Variants in WDR76 observed in about 807,000 individuals in gnomAD.
WDR76 encodes WD repeat-containing protein 76.
A neutral mutation model predicts 70.2 loss-of-function variants in WDR76; 52 were observed. The ratio of observed to expected loss-of-function variants is 0.74; its 90% CI spans 0.59 to 0.93. The LOEUF (loss-of-function observed/expected upper bound fraction) is 0.93, where lower values mean the gene tolerates loss of function less well. Among genes scored for constraint, WDR76 ranks in the 40% least tolerant of loss-of-function variants. WDR76 has a pLI of 0.00. For synonymous variants in WDR76, 292 were observed against 271.1 expected, an observed-to-expected ratio of 1.08 and a Z score of -0.76; for missense variants, 756 against 760.2, an observed-to-expected ratio of 0.99 and a Z score of 0.07.
intron 5 of WDR76, 39 bp from the exon 6 acceptor site, chr15:43,842,376 C>CA: frequency 6.3e-7 from 1 of 1,583,752 alleles, no homozygotes; most frequent in East Asian, 2.2e-5. Context: ...TATTCTAGGG[C>CA]AGGGAGCCCA....
intron 10 of WDR76, chr15:43,858,434 A>G (rs2087957350): frequency 1.6e-5 from 7 of 425,374 alleles, no homozygotes; most frequent in South Asian, 3.0e-5. Context: ...TTTTTAGTAG[A>G]GACGGGGTTT....
At chr15:43,853,190 T>A (rs1413330851) in intron 9 of WDR76, among the ~76,000 whole-genome samples, 1 of 151,444 alleles carries the variant, frequency 6.6e-6, no homozygotes, top group African/African-American at 2.4e-5. Context: ...CGCCTGGCCT[T>A]ACTTATTTTT....
chr15:43,836,221 A>G lies in WDR76; in HGVS notation c.608+5A>G. 1 of 1,608,706 alleles carries G rather than the reference A, an allele frequency of 6.2e-7. No individual in the cohort carries two copies. The highest frequency in any genetic ancestry group is 8.5e-7 in the Non-Finnish European group (1 of 1,177,740). On this transcript the variant is annotated splice_donor_5th_base_variant and intron_variant, in intron 4 of 12. Coordinates refer to ENST00000263795, the MANE Select transcript of WDR76 (RefSeq NM_024908.4). ...ACAGCCTCCTAAATCCAAAAGGTAA[A>G]ATATCTAGTTTGCAATGCCTGAACC... is the stretch of plus-strand genomic sequence containing the variant.
At position 43,828,253 on chromosome 15, in the gene WDR76, C is replaced by G. The variant is rs766486152; in HGVS notation, c.349C>G (p.His117Asp). ...STLQNSSSAV[H>D]TESNKLQPKR... ...GCTGCAAAATTCATCCTCAGCTGTT[C>G]ATACTGAAAGTAACAAGCTACAACC... is the stretch of plus-strand genomic sequence containing the variant. Residue 117 changes from histidine (H) to aspartate (D), a missense_variant, in exon 2 of 13, where the codon CAT becomes GAT. Coordinates refer to ENST00000263795, the MANE Select transcript of WDR76 (RefSeq NM_024908.4). 1.2e-6 allele frequency: 2 copies of G among 1,614,178 alleles called. No homozygotes were observed. Among genetic ancestry groups the G allele is most frequent in the South Asian group, 1.1e-5 (1 of 91,088 alleles).
chr15:43,851,363 C>G (rs912825533), intron 9 of WDR76, 118 bp downstream of exon 9: 2 of 1,348,932 alleles, frequency 1.5e-6, no homozygotes, highest in African/African-American at 2.9e-5. Flanking sequence ...ACTTTGAGAA[C>G]TACGCTGCCT....
intron 1 of WDR76, 106 bp downstream of exon 1, chr15:43,827,198 G>C (rs1009938499): frequency 5.6e-5 from 82 of 1,460,638 alleles, no homozygotes; most frequent in Admixed American, 2.2e-4. Flanking sequence ...ACCGGGGGTA[G>C]GCGGGGGATC....
intron 2 of WDR76, among the ~76,000 whole-genome samples, chr15:43,831,472 TCTATTACC>T (rs2087587471): frequency 6.6e-6 from 1 of 151,460 alleles, no homozygotes; most frequent in African/African-American, 2.4e-5. Flanking sequence ...AGGGTCTCAC[TCTATTACC>T]CAGGATGGAG....
intron 9 of WDR76, among the ~76,000 whole-genome samples, chr15:43,851,988 G>GGAGAT (rs2087865411): frequency 1.3e-5 from 2 of 152,206 alleles, no homozygotes; most frequent in Non-Finnish European, 2.9e-5. Flanking sequence ...CTTGAGCCCA[G>GGAGAT]GAGATTGAGG....
intron 8 of WDR76, 25 bp from the exon 9 acceptor site, chr15:43,851,062 C>T (rs2087851433): frequency 1.2e-6 from 2 of 1,609,040 alleles, no homozygotes; most frequent in Middle Eastern, 1.7e-4. Context: ...TTTTCTCTCT[C>T]CCCTTTCCCG....
intron 2 of WDR76, among the ~76,000 whole-genome samples, chr15:43,833,079 C>T: frequency 6.6e-6 from 1 of 151,868 alleles, no homozygotes; most frequent in East Asian, 1.9e-4. Context: ...ATTCATTATG[C>T]ATCCAAAGGC....
chr15:43,850,509 A>C (rs996816925), intron 8 of WDR76, among the ~76,000 whole-genome samples: 1 of 151,684 alleles, frequency 6.6e-6, no homozygotes, highest in East Asian at 1.9e-4. Context: ...GTTAGCCAGG[A>C]TGGTCTCGAT....
chr15:43,843,447 T>G (rs2087750625), intron 7 of WDR76, among the ~76,000 whole-genome samples: 1 of 152,222 alleles, frequency 6.6e-6, no homozygotes, highest in Non-Finnish European at 1.5e-5. Context: ...TATTTGCGGT[T>G]GTTTTCCATT....
chr15:43,853,187 C>T (rs2087884569), intron 9 of WDR76, among the ~76,000 whole-genome samples: 1 of 151,618 alleles, frequency 6.6e-6, no homozygotes, highest in Non-Finnish European at 1.5e-5. Context: ...CCACGCCTGG[C>T]CTTACTTATT....
chr15:43,866,276 G>A lies in WDR76; in HGVS notation c.1765G>A (p.Gly589Arg), dbSNP rs756191668. 5.0e-6 allele frequency: 8 copies of A among 1,613,996 alleles called. No individual in the cohort carries two copies. The African/African-American group carries it at 6.7e-5, about 13-fold the overall frequency. The change falls in exon 13 of 13, where the codon GGA (glycine) becomes AGA (arginine). Residue 589 changes from glycine to arginine, a missense_variant. Coordinates refer to ENST00000263795, the MANE Select transcript of WDR76 (RefSeq NM_024908.4). ...ETGKRVHSFG[G>R]EYLVSVCSIN... ...AGGAAAGAGGGTGCATTCGTTTGGT[G>A]GAGAATACCTTGTCTCTGTGTGTTC... is the stretch of plus-strand genomic sequence containing the variant.
intron 4 of WDR76, 81 bp downstream of exon 4, chr15:43,836,297 G>T: frequency 7.2e-7 from 1 of 1,388,454 alleles, no homozygotes; most frequent in South Asian, 1.3e-5. Flanking sequence ...GTTTGGTGTG[G>T]TAAGCTTAAC....
Position 43,828,369 on chromosome 15 carries a change from A to G in WDR76, c.462+3A>G, listed in dbSNP as rs1231173885. On this transcript the variant is annotated splice_donor_region_variant and intron_variant, in intron 2 of 12. Transcript: ENST00000263795. ...ATGAAGATACCACACCATCCCTGGTAAGAACTTAATTAGTAGCTTGTTCTG... is the reference window on the plus strand; with the variant it reads ...ATGAAGATACCACACCATCCCTGGTGAGAACTTAATTAGTAGCTTGTTCTG... 1.9e-6 allele frequency: 3 copies of G among 1,587,634 alleles called. No individual in the cohort carries two copies. Among genetic ancestry groups the G allele is most frequent in the Non-Finnish European group, 2.6e-6 (3 of 1,169,818 alleles).
At position 43,868,240 on chromosome 15, in the gene WDR76, T is replaced by C. The variant is rs2088097520; in HGVS notation, c.*1848T>C. On this transcript the variant is annotated 3_prime_UTR_variant, in exon 13 of 13. Transcript: ENST00000263795. ...AAAGGCTTTAGGCTCCCTTTTTCAT[T>C]TCTATACCAATTAATCTCATGGGTT... The C allele has an allele frequency of 6.6e-6, 1 of 152,220 alleles. No homozygotes were observed. Among genetic ancestry groups the C allele is most frequent in the Non-Finnish European group, 1.5e-5 (1 of 68,034 alleles). 9.4% of individuals were successfully genotyped at this position (152,220 alleles called of 1,614,324 possible). A position where few individuals can be genotyped will look rare whatever the true frequency, so the allele number is the denominator to read the frequency against.
chr15:43,841,297 G>A (rs1596072395), intron 5 of WDR76, among the ~76,000 whole-genome samples: 1 of 150,132 alleles, frequency 6.7e-6, no homozygotes, highest in Non-Finnish European at 1.5e-5. Flanking sequence ...CTGCATCCCA[G>A]GTTCATGCCA....
intron 5 of WDR76, among the ~76,000 whole-genome samples, chr15:43,840,139 G>T (rs759748648): frequency 3.3e-5 from 5 of 152,140 alleles, no homozygotes; most frequent in Non-Finnish European, 7.4e-5. Context: ...GATTACAGGT[G>T]TGAGCCACTG....
Sources: allele counts gnomAD v4.1 joint callset (sites outside exome capture counted in the v4.1 genomes callset), GRCh38; gene constraint gnomAD v4.1.1; transcripts MANE v1.5; gene names NCBI Gene and HGNC (gene_info 2026-07-23, HGNC 2026-07-21).